The following WIPI2 variants were observed in gnomAD, a reference collection of about 807,000 sequenced individuals.
WIPI2 encodes the protein WD repeat domain, phosphoinositide interacting 2.
A neutral mutation model predicts 52.3 loss-of-function variants in WIPI2; 28 were observed. The ratio of observed to expected loss-of-function variants is 0.54; its 90% CI spans 0.40 to 0.73. The LOEUF is 0.73. Among genes scored for constraint, WIPI2 ranks in the 30% least tolerant of loss-of-function variants. The pLI, the probability that WIPI2 is intolerant of heterozygous loss-of-function variation, is 0.00. For missense variants in WIPI2, 506 were observed against 602.9 expected (o/e 0.84, Z 1.68); for synonymous variants, 268 against 245.0 (o/e 1.09, Z -0.88).
At position 5,190,372 on chromosome 7, in the gene WIPI2, T is replaced by C; in HGVS notation, c.-48T>C. ...ACCCTGAGTGCAGCCTGACCCGCCC[T>C]CGCGCGCGCGCCCTCCCCGGCCGGG... On this transcript the variant is annotated 5_prime_UTR_variant, in exon 1 of 13. Coordinates refer to ENST00000288828, the MANE Select transcript of WIPI2 (RefSeq NM_015610.4). 1.4e-5 allele frequency: 18 copies of C among 1,272,674 alleles called. No homozygotes were observed. Among genetic ancestry groups the C allele is most frequent in the Non-Finnish European group, 1.8e-5 (18 of 1,001,796 alleles). The allele number at this position is 1,272,674 out of a possible 1,614,324, so 78.8% of individuals were successfully genotyped here.
intron 2 of WIPI2, among the ~76,000 whole-genome samples, chr7:5,198,072 G>T (rs1297334953): frequency 6.6e-6 from 1 of 152,198 alleles, no homozygotes; most frequent in Non-Finnish European, 1.5e-5. Context: ...GATGAGTATG[G>T]ACTCATAAAC....
chr7:5,213,838 A>G (rs1488988053), intron 3 of WIPI2, among the ~76,000 whole-genome samples: 1 of 152,090 alleles, frequency 6.6e-6, no homozygotes, highest in East Asian at 1.9e-4. Context: ...GGCGCCCGCC[A>G]CCACGCCTGG....
At chr7:5,202,013 G>A (rs957105213) in intron 3 of WIPI2, among the ~76,000 whole-genome samples, 1 of 151,968 alleles carries the variant, frequency 6.6e-6, no homozygotes, top group Non-Finnish European at 1.5e-5. Context: ...GAAATGTCAA[G>A]ATTGTTTTCT....
chr7:5,220,960 AT>A (rs11361126), intron 7 of WIPI2, among the ~76,000 whole-genome samples: 32,931 of 107,040 alleles, frequency 0.31, 3,853 homozygotes, highest in African/African-American at 0.33. Context: ...CACCCACCTA[AT>A]TTTTTTTTTT....
intron 8 of WIPI2, among the ~76,000 whole-genome samples, chr7:5,223,248 CG>C (rs1783241245): frequency 6.6e-6 from 1 of 152,172 alleles, no homozygotes; most frequent in African/African-American, 2.4e-5. Context: ...CTCTGGAGCC[CG>C]TGCCTCAGAT....
intron 3 of WIPI2, among the ~76,000 whole-genome samples, chr7:5,212,367 C>A (rs181916136): frequency 5.9e-5 from 9 of 152,302 alleles, no homozygotes; most frequent in Admixed American, 2.6e-4. Context: ...CCTAATACTA[C>A]CAAGTACTAC....
chr7:5,193,259 A>T lies in WIPI2; in HGVS notation c.128+88A>T, dbSNP rs1292073044. ...TGGCTTTTTGAAATTGCAGTGAACC[A>T]GTTAATAAGTGGGAGAGGATCACTT... On this transcript the variant is annotated intron_variant, in intron 2 of 12. Transcript: ENST00000288828. 7.6e-6 allele frequency: 12 copies of T among 1,576,542 alleles called. No homozygotes were observed. In the Admixed American group the frequency reaches 2.0e-4, roughly 26 times the overall value.
chr7:5,206,985 T>G (rs1167301872), intron 3 of WIPI2, among the ~76,000 whole-genome samples: 4 of 152,086 alleles, frequency 2.6e-5, no homozygotes, highest in Non-Finnish European at 5.9e-5. Context: ...TGTTATGTTG[T>G]CCAGGCTAGT....
chr7:5,230,055 G>C lies in WIPI2; in HGVS notation c.1252+317G>C, dbSNP rs62441072. Among the ~76,000 whole-genome samples the C allele has an allele frequency of 0.093, 14,062 of 151,612 alleles. 811 individuals are homozygous for C. The highest frequency in any genetic ancestry group is 0.19 in the South Asian group (911 of 4,788). ...CCCACAGTGCTGGGATTATAGGCAT[G>C]AGCCACCGTACCAGGCTCATTTTCT... On this transcript the variant is annotated intron_variant, in intron 12 of 12. Coordinates refer to ENST00000288828, the MANE Select transcript of WIPI2 (RefSeq NM_015610.4). The surrounding 1 kb of genome is among the most constrained non-coding windows in gnomAD (Gnocchi z 4.8).
At chr7:5,193,974 G>C (rs752236450) in intron 2 of WIPI2, among the ~76,000 whole-genome samples, 5 of 152,204 alleles carry the variant, frequency 3.3e-5, no homozygotes, top group Non-Finnish European at 7.3e-5. Context: ...TGACTTAGGA[G>C]GATATCATCC....
chr7:5,220,573 G>A (rs1278254587), intron 7 of WIPI2, among the ~76,000 whole-genome samples: 10 of 151,938 alleles, frequency 6.6e-5, no homozygotes, highest in Admixed American at 2.0e-4. Context: ...AGATAGTGCA[G>A]TGGCATGATC....
At chr7:5,205,755 G>A (rs1782263544) in intron 3 of WIPI2, among the ~76,000 whole-genome samples, 1 of 152,064 alleles carries the variant, frequency 6.6e-6, no homozygotes, top group Non-Finnish European at 1.5e-5. Flanking sequence ...TGATCCACCT[G>A]CCTCTGCCTC....
Position 5,190,508 on chromosome 7 carries a change from G to C in WIPI2, c.74+15G>C. The C allele has an allele frequency of 6.7e-7, 1 of 1,492,094 alleles. No homozygotes were observed. Among genetic ancestry groups the C allele is most frequent in the African/African-American group, 1.4e-5 (1 of 69,264 alleles). The allele number at this position is 1,492,094 out of a possible 1,614,324, so 92.4% of individuals were successfully genotyped here. On this transcript the variant is annotated intron_variant, in intron 1 of 12. Transcript: ENST00000288828. ...CAGGACAACACGTAAGGCCGGGGTCGGGGGTCGGAGTCGGGGTGAGGCCAG... is the reference window on the plus strand; with the variant it reads ...CAGGACAACACGTAAGGCCGGGGTCCGGGGTCGGAGTCGGGGTGAGGCCAG...
Position 5,227,535 on chromosome 7 carries a change from T to C in WIPI2, c.1013+191T>C, listed in dbSNP as rs1211023022. On this transcript the variant is annotated intron_variant, in intron 10 of 12. Transcript: ENST00000288828. This position sits in a 1 kb window ranked among gnomAD's most constrained non-coding sequence, Gnocchi z 8.1. The stretch of plus-strand genomic sequence containing the variant: ...GCTTGCCGCTCTGTGCGGGGGTCCA[T>C]TTCCAGACGGGCTCCCGTTCTGTTT... Among the ~76,000 whole-genome samples, 1 of 152,186 alleles carries C rather than the reference T, an allele frequency of 6.6e-6. No individual in the cohort carries two copies. The highest frequency in any genetic ancestry group is 1.5e-5 in the Non-Finnish European group (1 of 68,026).
chr7:5,190,705 G>A (rs1331233725), intron 1 of WIPI2: 3 of 410,512 alleles, frequency 7.3e-6, no homozygotes, highest in Non-Finnish European at 4.2e-6. Flanking sequence ...CTGCGGTCCC[G>A]GAGCGGGAGA....
rs115985045 is a variant in WIPI2 at position 5,226,979 on chromosome 7, C to T, written c.849-201C>T. ...AGCTCCTCCCTGAAGCCTGAGCACCCCTCCCCCGACACCTCCCAGAGGAAG... is the reference window on the plus strand; with the variant it reads ...AGCTCCTCCCTGAAGCCTGAGCACCTCTCCCCCGACACCTCCCAGAGGAAG... On this transcript the variant is annotated intron_variant, in intron 9 of 12. Transcript: ENST00000288828. The T allele has an allele frequency of 6.2e-6, 4 of 644,370 alleles. No individual in the cohort carries two copies. The South Asian group carries it at 8.1e-5, about 13-fold the overall frequency. 39.9% of individuals were successfully genotyped at this position (644,370 alleles called of 1,614,324 possible). A position where few individuals can be genotyped will look rare whatever the true frequency, so the allele number is the denominator to read the frequency against.
chr7:5,206,129 C>A (rs1167920521), intron 3 of WIPI2, among the ~76,000 whole-genome samples: 1 of 152,040 alleles, frequency 6.6e-6, no homozygotes, highest in South Asian at 2.1e-4. Flanking sequence ...AGGGTTTTTC[C>A]TGCTCCCAGC....
At position 5,217,077 on chromosome 7, in the gene WIPI2, G is replaced by C. The variant is rs761767461; in HGVS notation, c.479-13G>C. 17 of 1,602,616 alleles carry C rather than the reference G, an allele frequency of 1.1e-5. No homozygotes were observed. In the South Asian group the frequency reaches 1.5e-4, roughly 15 times the overall value. ...TGGAAGTTTGCATCTCGTCCTCCGT[G>C]TGTCATTTGCAGGCCTGTGTGCGCT... is the stretch of plus-strand genomic sequence containing the variant. On this transcript the variant is annotated splice_polypyrimidine_tract_variant and intron_variant, in intron 5 of 12. Transcript: ENST00000288828.
At chr7:5,191,335 T>C (rs1426288148) in intron 1 of WIPI2, among the ~76,000 whole-genome samples, 1 of 152,134 alleles carries the variant, frequency 6.6e-6, no homozygotes, top group East Asian at 1.9e-4. Flanking sequence ...CCTGTTCTTT[T>C]TGGGACATCA....
Sources: gnomAD v4.1 joint callset for allele counts (sites outside exome capture counted in the v4.1 genomes callset) on GRCh38, gnomAD v4.1.1 for gene constraint, Gnocchi (gnomAD v3.1) non-coding constraint, MANE v1.5 for transcripts, NCBI Gene and HGNC (gene_info 2026-07-23, HGNC 2026-07-21) for gene names.